Variants in RHPN1 observed in about 807,000 individuals in gnomAD.
RHPN1 encodes the protein rhophilin Rho GTPase binding protein 1.
Under a neutral mutation model 74.7 loss-of-function variants are expected in RHPN1, and 77 were observed. That is an observed-to-expected ratio of 1.03 (90% CI 0.86 to 1.25). RHPN1 has a LOEUF of 1.25. Ranked by LOEUF, RHPN1 falls within the 50% of genes most tolerant of loss-of-function variation. The pLI, the probability that RHPN1 is intolerant of heterozygous loss-of-function variation, is 0.00. For missense variants in RHPN1, 987 were observed against 932.2 expected (o/e 1.06, Z -0.77); for synonymous variants, 444 against 414.5 (o/e 1.07, Z -0.87).
intron 1 of RHPN1, 64 bp from the exon 2 acceptor site, chr8:143,375,489 G>T (rs1377541009): frequency 2.4e-5 from 28 of 1,150,700 alleles, no homozygotes; most frequent in Non-Finnish European, 3.4e-5. Flanking sequence ...TCAGTGGCTG[G>T]CGAGGCGCAG....
At chr8:143,369,189 G>A in intron 1 of RHPN1, 142 bp downstream of exon 1, 2 of 585,886 alleles carry the variant, frequency 3.4e-6, no homozygotes, top group Non-Finnish European at 5.5e-6. Context: ...GCCAGAGCCT[G>A]CGTCCCTCCT....
At position 143,380,671 on chromosome 8, in the gene RHPN1, G is replaced by A. The variant is rs117282246; in HGVS notation, c.1299G>A (p.Val433=). The change falls in exon 11 of 15, where the codon GTG becomes GTA. Residue 433 remains valine, a synonymous_variant. Coordinates refer to ENST00000289013, the MANE Select transcript of RHPN1 (RefSeq NM_052924.3). ...LHALCRVLRE[V]DLLRAVISQT... ...CCCTGTGCCGCGTCCTGCGCGAGGT[G>A]GACCTGCTTCGGGCTGTGATCTCCC... 7.5e-3 allele frequency: 11,765 copies of A among 1,577,032 alleles called. 73 individuals carry two copies. Among genetic ancestry groups the A allele is most frequent in the Non-Finnish European group, 8.6e-3 (9,973 of 1,162,104 alleles).
rs756573967 is a variant in RHPN1 at position 143,381,574 on chromosome 8, G to A, written c.1491G>A (p.Gly497=). 5 of 1,606,512 alleles carry A rather than the reference G, an allele frequency of 3.1e-6. No individual in the cohort carries two copies. In the African/African-American group the frequency reaches 6.7e-5, roughly 21 times the overall value. ...TCTGACCTCTGAGCCCCTGCCAGGG[G>A]CCCCTGTCTGTGTTCTCAGCCAAGA... ...GKGPDIFHRL[G]PLSVFSAKNR... is the part of the protein sequence containing the mutation. The change falls in exon 13 of 15, where the codon GGG becomes GGA. Residue 497 remains glycine, a splice_region_variant and synonymous_variant. Transcript: ENST00000289013.
At chr8:143,376,804 G>A (rs1818263446) in intron 3 of RHPN1, among the ~76,000 whole-genome samples, 151 bp downstream of exon 3, 1 of 139,716 alleles carries the variant, frequency 7.2e-6, no homozygotes, top group Non-Finnish European at 1.5e-5. Context: ...ATGCATGTCT[G>A]TGCGCGTGTG....
intron 4 of RHPN1, among the ~76,000 whole-genome samples, chr8:143,378,000 C>T (rs539291049): frequency 6.6e-6 from 1 of 152,216 alleles, no homozygotes; most frequent in Non-Finnish European, 1.5e-5. Context: ...CTCCAGGCCC[C>T]GCTTCTGTGA....
In RHPN1 at chr8:143,379,892, C is replaced by A. The variant is rs1442188658; in HGVS notation, c.1009C>A (p.Pro337Thr). ...MAQPPVHDYV[P>T]VSWTALVHVK... ...CCAGCCACCCGTCCACGACTACGTG[C>A]CTGTCTCCTGGACTGCCCTGGTGCA... is the stretch of plus-strand genomic sequence containing the variant. The change falls in exon 9 of 15, where the codon CCT becomes ACT. Residue 337 changes from proline to threonine, a missense_variant. Pro to Thr is a conservative substitution (Grantham distance 38). Coordinates refer to ENST00000289013, the MANE Select transcript of RHPN1 (RefSeq NM_052924.3). 1 of 1,609,220 alleles carries A rather than the reference C, an allele frequency of 6.2e-7. No individual in the cohort carries two copies. Among genetic ancestry groups the A allele is most frequent in the East Asian group, 2.2e-5 (1 of 44,750 alleles).
intron 1 of RHPN1, among the ~76,000 whole-genome samples, chr8:143,374,914 T>A (rs1818112317): frequency 6.6e-6 from 1 of 152,158 alleles, no homozygotes. Flanking sequence ...GGGGCTGCAG[T>A]CTGGGTGCAA....
At chr8:143,376,705 G>A (rs1487057766) in intron 3 of RHPN1, 52 bp downstream of exon 3, 60 of 1,513,680 alleles carry the variant, frequency 4.0e-5, no homozygotes, top group Middle Eastern at 3.9e-4. Flanking sequence ...GCACGTGTGC[G>A]TGTGTGTGTG....
intron 11 of RHPN1, 85 bp downstream of exon 11, chr8:143,380,868 T>A: frequency 9.2e-7 from 1 of 1,084,124 alleles, no homozygotes; most frequent in Non-Finnish European, 1.3e-6. Context: ...CTGATTGCAT[T>A]AAAGATGCAG....
chr8:143,380,048 T>C lies in RHPN1; in HGVS notation c.1103-14T>C. Reference sequence around the variant, plus strand: ...GCCCCCCCGCGCAGGGCTCACAGCCTCTCTGTCCCCCAGCAGCGACCGAGG... The same window carrying C: ...GCCCCCCCGCGCAGGGCTCACAGCCCCTCTGTCCCCCAGCAGCGACCGAGG... On this transcript the variant is annotated splice_polypyrimidine_tract_variant and intron_variant, in intron 9 of 14. Coordinates refer to ENST00000289013, the MANE Select transcript of RHPN1 (RefSeq NM_052924.3). 1 of 1,545,468 alleles carries C rather than the reference T, an allele frequency of 6.5e-7. No homozygotes were observed.
intron 1 of RHPN1, among the ~76,000 whole-genome samples, chr8:143,372,879 G>A (rs1343951296): frequency 2.2e-5 from 2 of 90,192 alleles, no homozygotes; most frequent in Admixed American, 1.2e-4. Flanking sequence ...GGGGGATGGC[G>A]TGGGTTCCAG....
chr8:143,380,637 G>A lies in RHPN1; in HGVS notation c.1265G>A (p.Arg422Gln), dbSNP rs763403674. 1.1e-5 allele frequency: 17 copies of A among 1,558,154 alleles called. No homozygotes were observed. The highest frequency in any genetic ancestry group is 2.4e-5 in the East Asian group (1 of 41,628). Residue 422 changes from arginine to glutamine, a missense_variant, in exon 11 of 15, where the codon CGG becomes CAG. Physicochemically the swap from Arg to Gln is conservative, Grantham distance 43. Coordinates refer to ENST00000289013, the MANE Select transcript of RHPN1 (RefSeq NM_052924.3). ...RAILGQEEAL[R>Q]LHALCRVLRE... is the part of the protein sequence containing the mutation. Reference sequence around the variant, plus strand: ...ATCCTGGGGCAGGAGGAGGCGCTGCGGCTGCACGCCCTGTGCCGCGTCCTG... The same window carrying A: ...ATCCTGGGGCAGGAGGAGGCGCTGCAGCTGCACGCCCTGTGCCGCGTCCTG...
At chr8:143,365,546 G>A (rs71520510), upstream of RHPN1, among the ~76,000 whole-genome samples, 11,220 of 152,210 alleles carry the variant, frequency 0.074, 492 homozygotes, top group Non-Finnish European at 0.099. Flanking sequence ...TTGGGCCTTG[G>A]GTGAGTCAGT....
intron 3 of RHPN1, among the ~76,000 whole-genome samples, chr8:143,377,001 GGT>G (rs1464643136): frequency 6.6e-6 from 1 of 150,652 alleles, no homozygotes; most frequent in African/African-American, 2.4e-5. Flanking sequence ...CGTGTATGTG[GGT>G]GTGTGTTTGC....
rs1166383339 is a variant in RHPN1 at position 143,377,411 on chromosome 8, G to A, written c.337G>A (p.Gly113Ser). 6.2e-7 allele frequency: 1 copy of A among 1,613,504 alleles called. No homozygotes were observed. Among genetic ancestry groups the A allele is most frequent in the Admixed American group, 1.7e-5 (1 of 59,998 alleles). ...TGTCACTGTCCCCATGATCCCCCTG[G>A]GCCTGAAGGAGACCAAGGAGCTGGA... Reference protein sequence around the residue: ...EAVTVPMIPLGLKETKELDWS... With the variant: ...EAVTVPMIPLSLKETKELDWS... Residue 113 changes from glycine to serine, a missense_variant, in exon 4 of 15, where the codon GGC becomes AGC. Coordinates refer to ENST00000289013, the MANE Select transcript of RHPN1 (RefSeq NM_052924.3).
rs773465876 is a variant in RHPN1, at chr8:143,376,658, G to A, written c.305+5G>A. On this transcript the variant is annotated splice_donor_5th_base_variant and intron_variant, in intron 3 of 14. Transcript: ENST00000289013. The stretch of plus-strand genomic sequence containing the variant: ...GGACCCTGGCCGGCATGGGAGGTGC[G>A]GGTGGGGGCCGGGACAGCACGTGCG... 103 of 1,561,448 alleles carry A rather than the reference G, an allele frequency of 6.6e-5. No homozygotes were observed. Among genetic ancestry groups the A allele is most frequent in the South Asian group, 1.6e-4 (14 of 85,286 alleles).
chr8:143,368,637 T>TGCCA, upstream of RHPN1: 1 of 179,832 alleles, frequency 5.6e-6, no homozygotes, highest in South Asian at 1.9e-4. Flanking sequence ...CAGTACAACC[T>TGCCA]GCCAGCCAGC....
In RHPN1 at chr8:143,368,918, C is replaced by T; in HGVS notation, c.-70C>T. The T allele has an allele frequency of 7.7e-7, 1 of 1,294,528 alleles. No homozygotes were observed. 80.2% of individuals were successfully genotyped at this position (1,294,528 alleles called of 1,614,324 possible). A position where few individuals can be genotyped will look rare whatever the true frequency, so the allele number is the denominator to read the frequency against. Reference sequence around the variant, plus strand: ...CCAGGTGGTGCGGGCGGCCCTAGCCCGGCTGCGGAGCGCTGCGCGAGCGGC... The same window carrying T: ...CCAGGTGGTGCGGGCGGCCCTAGCCTGGCTGCGGAGCGCTGCGCGAGCGGC... On this transcript the variant is annotated 5_prime_UTR_variant, in exon 1 of 15. Transcript: ENST00000289013.
chr8:143,381,291 G>T lies in RHPN1; in HGVS notation c.1435G>T (p.Ala479Ser), dbSNP rs775550388. The T allele has an allele frequency of 6.2e-7, 1 of 1,613,056 alleles. No homozygotes were observed. The highest frequency in any genetic ancestry group is 1.1e-5 in the South Asian group (1 of 90,946). ...AGCTAAGACCCACCAGAAGCCAGAG[G>T]CCAGGATGCCACGCCTGTCCCAGGG... ...IQPKTHQKPE[A>S]RMPRLSQGKG... The change falls in exon 12 of 15, where the codon GCC becomes TCC. Residue 479 changes from alanine to serine, a missense_variant. Transcript: ENST00000289013.
Sources: allele counts gnomAD v4.1 joint callset (sites outside exome capture counted in the v4.1 genomes callset), GRCh38; gene constraint gnomAD v4.1.1; transcripts MANE v1.5; gene names NCBI Gene and HGNC (gene_info 2026-07-23, HGNC 2026-07-21).